DMD: variants seen among roughly 807,000 people sequenced by gnomAD.
DMD encodes dystrophin, also known as mutant dystrophin.
DMD carries 63 observed loss-of-function variants against 330.1 expected under a neutral mutation model. The ratio of observed to expected loss-of-function variants is 0.19; its 90% confidence interval spans 0.16 to 0.24. The LOEUF is 0.24. Ranked by LOEUF, DMD falls within the 10% of genes least tolerant of loss-of-function variation. DMD has a pLI of 1.00. For missense variants in DMD, 3,344 were observed against 2,684.1 expected (o/e 1.25, Z -5.43); for synonymous variants, 1,223 against 959.8 (o/e 1.27, Z -5.07).
chrX:32,844,716 A>C, intron 4 of DMD, 67 bp downstream of exon 4: 2 of 968,234 alleles, frequency 2.1e-6, no homozygotes, highest in Non-Finnish European at 3.0e-6. Context: ...TTTGGGGCCA[A>C]AGCCCTCACT....
chrX:32,394,841 GA>G (rs2098028793), intron 30 of DMD, among the ~76,000 whole-genome samples: 1 of 96,697 alleles, frequency 1.0e-5, no homozygotes, highest in Admixed American at 1.3e-4. Context: ...GTTAGTAGAG[GA>G]AAAAATGAAG....
intron 42 of DMD, among the ~76,000 whole-genome samples, chrX:32,288,300 TG>T (rs1344514137): frequency 8.9e-6 from 1 of 111,850 alleles, no homozygotes. Flanking sequence ...TGATTTCAAT[TG>T]AATTATAGTA....
intron 21 of DMD, among the ~76,000 whole-genome samples, chrX:32,483,749 C>G (rs774861489): frequency 2.3e-5 from 2 of 87,082 alleles, no homozygotes; most frequent in African/African-American, 4.3e-5. Context: ...CTAGAGGGAG[C>G]TGATACTATT....
chrX:31,379,860 C>T (rs1223489414), intron 60 of DMD, among the ~76,000 whole-genome samples: 2 of 111,680 alleles, frequency 1.8e-5, no homozygotes, highest in Non-Finnish European at 3.8e-5. Context: ...TGTGGAGGAC[C>T]CCACTGAAAA....
intron 60 of DMD, among the ~76,000 whole-genome samples, chrX:31,407,154 TTTA>T (rs1452637963): frequency 1.1e-4 from 12 of 112,215 alleles, no homozygotes; most frequent in African/African-American, 3.9e-4. Context: ...TATCTTATTT[TTTA>T]TTATTATTTT....
chrX:32,804,741 T>A, intron 7 of DMD, among the ~76,000 whole-genome samples: 1 of 111,897 alleles, frequency 8.9e-6, no homozygotes, highest in Non-Finnish European at 1.9e-5. Flanking sequence ...TGGCAACTGG[T>A]GGGTGCCCCT....
intron 46 of DMD, among the ~76,000 whole-genome samples, chrX:31,931,854 A>G (rs1197271046): frequency 1.8e-5 from 2 of 110,250 alleles, no homozygotes; most frequent in Middle Eastern, 4.7e-3. Flanking sequence ...TAGATGCAAT[A>G]TGTGTGTGTG....
intron 52 of DMD, among the ~76,000 whole-genome samples, chrX:31,704,754 C>T (rs769398567): frequency 2.7e-5 from 3 of 111,719 alleles, no homozygotes; most frequent in Non-Finnish European, 3.8e-5. Flanking sequence ...GCCATTTGGT[C>T]ATTCAATACT....
intron 2 of DMD, among the ~76,000 whole-genome samples, chrX:32,875,182 G>C (rs748735166): frequency 1.8e-5 from 2 of 111,883 alleles, no homozygotes; most frequent in Non-Finnish European, 3.8e-5. Flanking sequence ...CCTCTCGATC[G>C]AGACCTTGAT....
intron 60 of DMD, among the ~76,000 whole-genome samples, chrX:31,392,245 C>T (rs936302891): frequency 8.9e-6 from 1 of 112,251 alleles, no homozygotes; most frequent in African/African-American, 3.2e-5. Flanking sequence ...CATCGCGTGA[C>T]AATTCCAAAG....
intron 62 of DMD, among the ~76,000 whole-genome samples, chrX:31,294,307 T>C (rs1364898686): frequency 1.8e-5 from 2 of 111,810 alleles, no homozygotes; most frequent in Non-Finnish European, 3.8e-5. Flanking sequence ...AAACATTCCA[T>C]GGGATATTGT....
At chrX:32,410,389 T>C (rs966080282) in intron 30 of DMD, among the ~76,000 whole-genome samples, 26 of 111,861 alleles carry the variant, frequency 2.3e-4, no homozygotes, top group African/African-American at 8.1e-4. Flanking sequence ...TGCCACATAT[T>C]ATCAGGGACA....
chrX:32,458,516 G>A (rs754252545), intron 25 of DMD, among the ~76,000 whole-genome samples: 5 of 111,161 alleles, frequency 4.5e-5, no homozygotes, highest in South Asian at 7.4e-4. Context: ...ATCCAGAAGC[G>A]GGATTGGTGA....
intron 1 of DMD, among the ~76,000 whole-genome samples, chrX:33,182,996 C>T (rs1363056258): frequency 8.9e-6 from 1 of 111,859 alleles, no homozygotes; most frequent in Non-Finnish European, 1.9e-5. Context: ...TAGTTTAAAG[C>T]GGAATATCCT....
chrX:32,419,033 A>G (rs1024337050), intron 29 of DMD, among the ~76,000 whole-genome samples: 1 of 107,504 alleles, frequency 9.3e-6, no homozygotes, highest in Non-Finnish European at 1.9e-5. Context: ...TGTATTGTAC[A>G]CTTGAAAAAT....
At chrX:33,146,418 A>G (rs887756075) in intron 1 of DMD, among the ~76,000 whole-genome samples, 1 of 111,689 alleles carries the variant, frequency 9.0e-6, no homozygotes, top group Non-Finnish European at 1.9e-5. Context: ...TTAATAATAA[A>G]ATACTTCTTG....
intron 7 of DMD, among the ~76,000 whole-genome samples, chrX:32,799,230 T>C (rs769389751): frequency 1.8e-5 from 2 of 110,894 alleles, no homozygotes; most frequent in East Asian, 5.7e-4. Flanking sequence ...GAAAATAGAA[T>C]CCGTGTCACC....
chrX:33,321,696 TCTC>T (rs749579978), intron 1 of DMD, among the ~76,000 whole-genome samples: 132 of 112,154 alleles, frequency 1.2e-3, no homozygotes, highest in Non-Finnish European at 2.1e-3. Flanking sequence ...GGCATTGACT[TCTC>T]CTTTCTAGCT....
chrX:31,190,633 T>G (rs1470888167), intron 67 of DMD, among the ~76,000 whole-genome samples: 115 of 52,358 alleles, frequency 2.2e-3, no homozygotes, highest in Middle Eastern at 0.02. Flanking sequence ...GGGGAGGGGG[T>G]GCTACTAGCA....
Sources: gnomAD v4.1 joint callset for allele counts (sites outside exome capture counted in the v4.1 genomes callset) on GRCh38, gnomAD v4.1.1 for gene constraint, MANE v1.5 for transcripts, NCBI Gene and HGNC (gene_info 2026-07-23, HGNC 2026-07-21) for gene names.